NKAIN2: variants seen among roughly 807,000 people sequenced by gnomAD.
NKAIN2 encodes sodium/potassium transporting ATPase interacting 2.
In NKAIN2, 14 loss-of-function variants were observed where a neutral mutation model predicts 32.6. That is an observed-to-expected ratio of 0.43 (90% CI 0.28 to 0.67). The LOEUF (loss-of-function observed/expected upper bound fraction) is 0.67. Among genes scored for constraint, NKAIN2 ranks in the 30% least tolerant of loss-of-function variants. NKAIN2 has a pLI of 0.17. For synonymous variants in NKAIN2, 80 were observed against 87.2 expected (o/e 0.92, Z 0.46); for missense variants, 198 against 258.3 (o/e 0.77, Z 1.60).
rs1789593407 is a variant in NKAIN2 at position 124,184,168 on chromosome 6, T to C, written c.55-98837T>C. Among the ~76,000 whole-genome samples the C allele has an allele frequency of 1.3e-5, 2 of 152,156 alleles. 1 individual carries two copies. The highest frequency in any genetic ancestry group is 4.1e-4 in the South Asian group (2 of 4,824). ...CTAACTTATCAAACTTAACTGCTAC[T>C]TCAGGGATATGCCAAACATTCTGGT... On this transcript the variant is annotated intron_variant, in intron 1 of 6. Coordinates refer to ENST00000368417, the MANE Select transcript of NKAIN2 (RefSeq NM_001040214.3).
intron 3 of NKAIN2, among the ~76,000 whole-genome samples, chr6:124,549,523 A>G (rs1780212986): frequency 6.6e-6 from 1 of 152,284 alleles, no homozygotes; most frequent in South Asian, 2.1e-4. Context: ...ATTTATCAAA[A>G]CTAAAAATCA....
chr6:124,206,917 A>G (rs528417239), intron 1 of NKAIN2, among the ~76,000 whole-genome samples: 46 of 151,910 alleles, frequency 3.0e-4, no homozygotes, highest in African/African-American at 1.1e-3. Flanking sequence ...AAAATACGGG[A>G]TTAACATCTC....
chr6:124,643,874 C>G (rs915994545), intron 3 of NKAIN2, among the ~76,000 whole-genome samples: 2 of 152,196 alleles, frequency 1.3e-5, no homozygotes, highest in African/African-American at 2.4e-5. Context: ...TCTCTGTAAT[C>G]TAGCCCCCAT....
intron 1 of NKAIN2, among the ~76,000 whole-genome samples, chr6:123,913,592 G>C (rs1261491195): frequency 6.6e-6 from 1 of 152,142 alleles, no homozygotes; most frequent in Admixed American, 6.6e-5. Flanking sequence ...TGAAGGTTTA[G>C]AATGACCCTT....
chr6:124,315,904 A>G lies in NKAIN2; in HGVS notation c.192+32762A>G, dbSNP rs145832833. On this transcript the variant is annotated intron_variant, in intron 2 of 6. Transcript: ENST00000368417. ...TAAAAACATTTTTAGAAACTCAGAG[A>G]ATTGATGGGTCAAGTTAAAATGTTC... 1.3e-3 allele frequency among the ~76,000 whole-genome samples: 199 copies of G among 152,226 alleles called. 7 individuals carry two copies. In the East Asian group the frequency reaches 0.032, roughly 24 times the overall value.
chr6:123,817,864 T>A (rs1354252241), intron 1 of NKAIN2, among the ~76,000 whole-genome samples: 1 of 152,152 alleles, frequency 6.6e-6, no homozygotes, highest in Non-Finnish European at 1.5e-5. Flanking sequence ...TAAGCATTTG[T>A]GGGAGTATTG....
chr6:123,875,369 A>G (rs1256205362), intron 1 of NKAIN2, among the ~76,000 whole-genome samples: 1 of 151,996 alleles, frequency 6.6e-6, no homozygotes, highest in Non-Finnish European at 1.5e-5. Context: ...GATTTTTAAA[A>G]AATGTAATTT....
At chr6:124,248,194 T>C (rs1194395522) in intron 1 of NKAIN2, among the ~76,000 whole-genome samples, 1 of 152,088 alleles carries the variant, frequency 6.6e-6, no homozygotes, top group Admixed American at 6.6e-5. Context: ...GAATGATAGA[T>C]TAGGGTTCTG....
At chr6:123,963,831 G>T (rs1464076705) in intron 1 of NKAIN2, among the ~76,000 whole-genome samples, 3 of 152,058 alleles carry the variant, frequency 2.0e-5, no homozygotes, top group Admixed American at 6.6e-5. Context: ...TTCATTTTTA[G>T]ACAGGTTAAA....
chr6:123,861,966 ATTAATTT>A (rs1775802634), intron 1 of NKAIN2, among the ~76,000 whole-genome samples: 1 of 152,204 alleles, frequency 6.6e-6, no homozygotes, highest in African/African-American at 2.4e-5. Flanking sequence ...TTTGATGTCA[ATTAATTT>A]GTATATCTGG....
intron 3 of NKAIN2, among the ~76,000 whole-genome samples, chr6:124,361,993 A>G (rs766795004): frequency 3.2e-4 from 49 of 152,140 alleles, no homozygotes; most frequent in Non-Finnish European, 8.8e-5. Context: ...AAAAGATGGT[A>G]TGCAGAGAAA....
intron 1 of NKAIN2, among the ~76,000 whole-genome samples, chr6:123,976,151 T>A (rs981993830): frequency 6.6e-6 from 1 of 150,726 alleles, no homozygotes; most frequent in South Asian, 2.1e-4. Context: ...TCATTAAACC[T>A]CTTTTTCTTT....
chr6:124,094,851 CT>C, intron 1 of NKAIN2, among the ~76,000 whole-genome samples: 1 of 151,992 alleles, frequency 6.6e-6, no homozygotes, highest in Non-Finnish European at 1.5e-5. Flanking sequence ...TATTTCATAA[CT>C]TATAAAATTA....
chr6:124,563,597 C>T (rs1480740947), intron 3 of NKAIN2, among the ~76,000 whole-genome samples: 7 of 152,052 alleles, frequency 4.6e-5, no homozygotes, highest in Admixed American at 6.6e-5. Flanking sequence ...AACCAGGGTT[C>T]GTTTGCCTGG....
chr6:123,831,700 G>C (rs1427634688), intron 1 of NKAIN2, among the ~76,000 whole-genome samples: 1 of 148,156 alleles, frequency 6.7e-6, no homozygotes, highest in Non-Finnish European at 1.5e-5. Context: ...CTGTCGCCCA[G>C]GCTGGAGTGC....
chr6:124,596,073 C>T (rs905235576), intron 3 of NKAIN2, among the ~76,000 whole-genome samples: 1 of 152,126 alleles, frequency 6.6e-6, no homozygotes, highest in Non-Finnish European at 1.5e-5. Context: ...TAAATTGGAA[C>T]CCCAACAGAA....
At chr6:124,642,461 C>A (rs893458114) in intron 3 of NKAIN2, among the ~76,000 whole-genome samples, 2 of 152,074 alleles carry the variant, frequency 1.3e-5, no homozygotes, top group Non-Finnish European at 2.9e-5. Flanking sequence ...TGACTAATAA[C>A]AATTTTAAAG....
intron 1 of NKAIN2, among the ~76,000 whole-genome samples, chr6:124,071,545 A>G (rs1783468521): frequency 6.6e-6 from 1 of 152,210 alleles, no homozygotes; most frequent in African/African-American, 2.4e-5. Context: ...GACAGCCTAC[A>G]GAATGGGAGA....
At chr6:123,823,290 AT>A (rs1774001632) in intron 1 of NKAIN2, 1 of 152,230 alleles carries the variant, frequency 6.6e-6, no homozygotes, top group African/African-American at 2.4e-5. Context: ...GGCTTCTATC[AT>A]TGTGGTAAGA....
Sources: gnomAD v4.1 joint callset for allele counts (sites outside exome capture counted in the v4.1 genomes callset) on GRCh38, gnomAD v4.1.1 for gene constraint, MANE v1.5 for transcripts, NCBI Gene and HGNC (gene_info 2026-07-23, HGNC 2026-07-21) for gene names.